The following CTIF variants were observed in gnomAD, a reference collection of about 807,000 sequenced individuals.
CTIF encodes CBP80/20-dependent translation initiation factor.
CTIF carries 21 observed loss-of-function variants against 66.0 expected under a neutral mutation model. That is an observed-to-expected ratio of 0.32 (90% CI 0.23 to 0.46). The LOEUF is 0.46. CTIF is among the 20% of genes least tolerant of loss of function. The pLI is 1.00. For missense variants in CTIF, 739 were observed against 812.7 expected (o/e 0.91, Z 1.10); for synonymous variants, 345 against 326.4 (o/e 1.06, Z -0.62).
At chr18:48,790,081 C>T (rs1030946108) in intron 9 of CTIF, among the ~76,000 whole-genome samples, 1 of 152,200 alleles carries the variant, frequency 6.6e-6, no homozygotes, top group African/African-American at 2.4e-5. Flanking sequence ...CCTAAGGCTG[C>T]CTACTAGGTG....
chr18:48,640,824 G>T (rs1357345384), intron 3 of CTIF, among the ~76,000 whole-genome samples: 2 of 152,328 alleles, frequency 1.3e-5, no homozygotes, highest in Non-Finnish European at 1.5e-5. Context: ...GCCTCATCCT[G>T]TTTGTTATTT....
At chr18:48,561,523 C>A (rs1329461626) in intron 1 of CTIF, among the ~76,000 whole-genome samples, 1 of 152,156 alleles carries the variant, frequency 6.6e-6, no homozygotes, top group African/African-American at 2.4e-5. Flanking sequence ...CAGAGAAACT[C>A]CACTGTGGCA....
At chr18:48,733,169 G>A (rs56224021) in intron 7 of CTIF, among the ~76,000 whole-genome samples, 6 of 151,972 alleles carry the variant, frequency 3.9e-5, no homozygotes, top group South Asian at 2.1e-4. Context: ...CAAGGCACTC[G>A]GACACCTCTG....
Position 48,761,110 on chromosome 18 carries a change from TAAAC to T in CTIF, c.1072-276_1072-273del, listed in dbSNP as rs1165948307. On this transcript the variant is annotated intron_variant, in intron 8 of 11. Coordinates refer to ENST00000256413, the MANE Select transcript of CTIF (RefSeq NM_014772.3). This position sits in a 1 kb window ranked among gnomAD's most constrained non-coding sequence, Gnocchi z 4.2. Reference sequence around the variant, plus strand: ...TAGATTAAGATATTTGATGGACAAATAAACAAAAAAAGCCAATGTATATGAGAAT... The same window carrying T: ...TAGATTAAGATATTTGATGGACAAATAAAAAAAGCCAATGTATATGAGAAT... 2.1e-5 allele frequency: 7 copies of T among 332,622 alleles called. No homozygotes were observed. Among genetic ancestry groups the T allele is most frequent in the African/African-American group, 4.2e-5 (2 of 47,496 alleles). 20.6% of individuals were successfully genotyped at this position (332,622 alleles called of 1,614,324 possible). A position where few individuals can be genotyped will look rare whatever the true frequency, so the allele number is the denominator to read the frequency against.
intron 3 of CTIF, among the ~76,000 whole-genome samples, chr18:48,658,481 G>T (rs1032628077): frequency 2.0e-5 from 3 of 151,948 alleles, no homozygotes; most frequent in African/African-American, 7.3e-5. Flanking sequence ...TTGTATAAGT[G>T]TGGTATATAT....
rs1485453691 is a variant in CTIF, at chr18:48,786,106, C to T, written c.1371+24417C>T. Among the ~76,000 whole-genome samples the T allele has an allele frequency of 3.3e-5, 5 of 152,152 alleles. No individual in the cohort carries two copies. In the East Asian group the frequency reaches 7.7e-4, roughly 23 times the overall value. The stretch of plus-strand genomic sequence containing the variant: ...GGGCTGGATATACCTGTACAGACCC[C>T]GCACAGCATCAGTGAGTGATCCAAC... On this transcript the variant is annotated intron_variant, in intron 9 of 11. Coordinates refer to ENST00000256413, the MANE Select transcript of CTIF (RefSeq NM_014772.3).
At chr18:48,813,135 C>A (rs1394014505) in intron 9 of CTIF, among the ~76,000 whole-genome samples, 1 of 152,188 alleles carries the variant, frequency 6.6e-6, no homozygotes, top group Non-Finnish European at 1.5e-5. Flanking sequence ...TTTACTGCCT[C>A]CAATTCATTT....
At chr18:48,627,679 C>G (rs34310284) in intron 2 of CTIF, among the ~76,000 whole-genome samples, 1 of 151,228 alleles carries the variant, frequency 6.6e-6, no homozygotes, top group East Asian at 1.9e-4. Context: ...AGATCACACC[C>G]CTTCACTCCA....
At chr18:48,719,966 A>C (rs2092317204) in intron 7 of CTIF, among the ~76,000 whole-genome samples, 1 of 152,236 alleles carries the variant, frequency 6.6e-6, no homozygotes, top group African/African-American at 2.4e-5. Context: ...AGGTTTCTTT[A>C]AACAGAAACA....
At chr18:48,815,455 T>C (rs1389315910) in intron 9 of CTIF, among the ~76,000 whole-genome samples, 1 of 152,258 alleles carries the variant, frequency 6.6e-6, no homozygotes, top group Non-Finnish European at 1.5e-5. Context: ...TTAATATCCT[T>C]GGCTCAGTGT....
At chr18:48,628,237 G>C (rs1425937412) in intron 2 of CTIF, among the ~76,000 whole-genome samples, 2 of 152,170 alleles carry the variant, frequency 1.3e-5, no homozygotes, top group African/African-American at 2.4e-5. Flanking sequence ...GATAGTATTA[G>C]TCACCTTAGA....
chr18:48,655,734 C>A (rs1047879843), intron 3 of CTIF, among the ~76,000 whole-genome samples: 1 of 152,136 alleles, frequency 6.6e-6, no homozygotes, highest in African/African-American at 2.4e-5. Context: ...ATGTAGCAGG[C>A]CTGCTAGGGA....
intron 1 of CTIF, among the ~76,000 whole-genome samples, chr18:48,553,670 TTTTTG>T (rs2088946037): frequency 7.1e-6 from 1 of 140,270 alleles, no homozygotes; most frequent in South Asian, 2.1e-4. Context: ...CTTTTTTTTT[TTTTTG>T]AGACAAGTCT....
chr18:48,807,542 A>T (rs902706945), intron 9 of CTIF, among the ~76,000 whole-genome samples: 1 of 102,178 alleles, frequency 9.8e-6, no homozygotes, highest in South Asian at 2.9e-4. Flanking sequence ...CATTTTCCCC[A>T]TGCTATTGTA....
rs571845891 is a variant in CTIF, at chr18:48,768,581, T to C, written c.1371+6892T>C. Reference sequence around the variant, plus strand: ...TCTGGATGCCATGCCACATCCTAAATAGGGTGTAAGGCTCAAAAACTTGGG... The same window carrying C: ...TCTGGATGCCATGCCACATCCTAAACAGGGTGTAAGGCTCAAAAACTTGGG... On this transcript the variant is annotated intron_variant, in intron 9 of 11. Transcript: ENST00000256413. 1.6e-4 allele frequency among the ~76,000 whole-genome samples: 25 copies of C among 152,276 alleles called. 1 individual carries two copies. Among genetic ancestry groups the C allele is most frequent in the African/African-American group, 6.0e-4 (25 of 41,556 alleles).
chr18:48,697,967 C>T (rs1313404422), intron 6 of CTIF, among the ~76,000 whole-genome samples: 1 of 151,528 alleles, frequency 6.6e-6, no homozygotes, highest in African/African-American at 2.4e-5. Flanking sequence ...GATCTGATCC[C>T]CTGAGCCTGG....
intron 6 of CTIF, among the ~76,000 whole-genome samples, chr18:48,674,400 G>C (rs913771457): frequency 6.6e-6 from 1 of 152,222 alleles, no homozygotes; most frequent in African/African-American, 2.4e-5. Flanking sequence ...CAAAGCAGAG[G>C]GCGCCATGGG....
At position 48,696,948 on chromosome 18, in the gene CTIF, G is replaced by A. The variant is rs146666859; in HGVS notation, c.508-14671G>A. ...CTTACAGTTTCACTGAGTCCTGGGG[G>A]ACCCAGGTCTTTGTTACCTTTTCCC... On this transcript the variant is annotated intron_variant, in intron 6 of 11. Transcript: ENST00000256413. Among the ~76,000 whole-genome samples the A allele has an allele frequency of 9.9e-3, 1,510 of 152,318 alleles. 24 individuals carry two copies. The highest frequency in any genetic ancestry group is 0.017 in the Middle Eastern group (5 of 294).
At chr18:48,819,182 G>A (rs750673564) in intron 10 of CTIF, among the ~76,000 whole-genome samples, 17 of 152,104 alleles carry the variant, frequency 1.1e-4, no homozygotes, top group African/African-American at 3.4e-4. Context: ...GATTTGTTTC[G>A]CAGATTCAGA....
Sources: allele counts gnomAD v4.1 joint callset (sites outside exome capture counted in the v4.1 genomes callset), GRCh38; gene constraint gnomAD v4.1.1; non-coding constraint Gnocchi (gnomAD v3.1); transcripts MANE v1.5; gene names NCBI Gene and HGNC (gene_info 2026-07-23, HGNC 2026-07-21).